GRAMD2B: variants seen among roughly 807,000 people sequenced by gnomAD.
GRAMD2B encodes the protein GRAM domain containing 2B, also known as GRAM domain-containing protein 2B.
A neutral mutation model predicts 59.2 loss-of-function variants in GRAMD2B; 41 were observed. That is an observed-to-expected ratio of 0.69 (90% CI 0.54 to 0.90). GRAMD2B has a LOEUF of 0.90. Ranked by LOEUF, GRAMD2B falls within the 40% of genes least tolerant of loss-of-function variation. GRAMD2B has a pLI of 0.00. For synonymous variants in GRAMD2B, 161 were observed against 182.7 expected (o/e 0.88, Z 0.96); for missense variants, 424 against 500.5 (o/e 0.85, Z 1.46).
intron 1 of GRAMD2B, among the ~76,000 whole-genome samples, chr5:126,410,662 T>G (rs1758703872): frequency 6.6e-6 from 1 of 152,086 alleles, no homozygotes; most frequent in African/African-American, 2.4e-5. Flanking sequence ...TTGAAAAGTC[T>G]CCAAACTTCT....
At chr5:126,486,814 T>G (rs1773023594) in intron 11 of GRAMD2B, 59 bp from the exon 12 acceptor site, 1 of 1,057,284 alleles carries the variant, frequency 9.5e-7, no homozygotes, top group Non-Finnish European at 1.5e-6. Flanking sequence ...TGAGTTGTTT[T>G]ATGAACATCA....
chr5:126,462,597 G>A (rs751173139), intron 1 of GRAMD2B, among the ~76,000 whole-genome samples: 2 of 152,064 alleles, frequency 1.3e-5, no homozygotes, highest in African/African-American at 4.8e-5. Flanking sequence ...ATCATTGAAC[G>A]TATAAATGAC....
At chr5:126,394,868 G>T (rs4293915) in intron 1 of GRAMD2B, among the ~76,000 whole-genome samples, 126,744 of 152,146 alleles carry the variant, frequency 0.83, 52,983 homozygotes, top group Non-Finnish European at 0.87. Flanking sequence ...TTTTTTTTCT[G>T]TCCAAGAGTG....
chr5:126,458,138 AAGAATGAGGGACTGGGCCAGGCAC>A (rs1369332788), intron 1 of GRAMD2B, among the ~76,000 whole-genome samples: 69 of 152,258 alleles, frequency 4.5e-4, no homozygotes, highest in African/African-American at 1.6e-3. Context: ...TTTCATATTT[AAGAATGAGGGACTGGGCCAGGCAC>A]AGTGGCTTGT....
At chr5:126,409,156 A>T (rs1439474347) in intron 1 of GRAMD2B, among the ~76,000 whole-genome samples, 4 of 152,086 alleles carry the variant, frequency 2.6e-5, no homozygotes. Flanking sequence ...ACACGTGTGC[A>T]TGTGTCTTTA....
intron 1 of GRAMD2B, among the ~76,000 whole-genome samples, chr5:126,432,155 C>T (rs1393020263): frequency 6.6e-6 from 1 of 152,102 alleles, no homozygotes; most frequent in Non-Finnish European, 1.5e-5. Context: ...TCTTGAACTC[C>T]TGGCTTCAAG....
chr5:126,360,581 G>A, intron 1 of GRAMD2B: 1 of 952,278 alleles, frequency 1.1e-6, no homozygotes. Context: ...GTCTTTGATT[G>A]CCCACTGGGG....
upstream of GRAMD2B, among the ~76,000 whole-genome samples, chr5:126,370,958 G>A (rs764847365): frequency 2.6e-5 from 4 of 152,234 alleles, no homozygotes; most frequent in Admixed American, 2.0e-4. Context: ...AACATTGGCT[G>A]CAACACACAC....
chr5:126,469,722 C>A lies in GRAMD2B; in HGVS notation c.249C>A (p.Asn83Lys). Reference protein sequence around the residue: ...FDGASLASDKNDCKTESKNDP... With the variant: ...FDGASLASDKKDCKTESKNDP... ...GTGCCTCTTTAGCAAGTGATAAGAA[C>A]GACTGTAAAACAGAAAGCAAAAATG... Residue 83 changes from asparagine (N) to lysine (K), a missense_variant, in exon 3 of 14, where the codon AAC (asparagine) becomes AAA (lysine). Transcript: ENST00000285689. 1 of 1,613,772 alleles carries A rather than the reference C, an allele frequency of 6.2e-7. No homozygotes were observed. Among genetic ancestry groups the A allele is most frequent in the Non-Finnish European group, 8.5e-7 (1 of 1,179,804 alleles).
chr5:126,487,025 A>G, intron 12 of GRAMD2B, 48 bp downstream of exon 12: 1 of 976,156 alleles, frequency 1.0e-6, no homozygotes, highest in Non-Finnish European at 1.6e-6. Flanking sequence ...TCTGCTTAAT[A>G]TAATAATTGA....
chr5:126,480,811 A>G, intron 8 of GRAMD2B, 104 bp downstream of exon 8: 1 of 929,472 alleles, frequency 1.1e-6, no homozygotes, highest in South Asian at 1.4e-5. Flanking sequence ...GCTTAGGACC[A>G]AAATATTTGA....
At chr5:126,480,072 C>T (rs1427182329) in intron 6 of GRAMD2B, 1 of 169,126 alleles carries the variant, frequency 5.9e-6, no homozygotes, top group Non-Finnish European at 1.3e-5. Context: ...GTTAAATACC[C>T]TTAAAAACAA....
chr5:126,440,276 A>C (rs749653849), intron 1 of GRAMD2B, among the ~76,000 whole-genome samples: 46 of 152,338 alleles, frequency 3.0e-4, no homozygotes, highest in Non-Finnish European at 4.9e-4. Context: ...AAACTTATGA[A>C]GTATTTCTTA....
At chr5:126,383,986 A>G (rs1424675894) in intron 1 of GRAMD2B, among the ~76,000 whole-genome samples, 2 of 152,296 alleles carry the variant, frequency 1.3e-5, no homozygotes, top group Non-Finnish European at 1.5e-5. Context: ...TGACTGTTAT[A>G]GGACAACGAG....
intron 1 of GRAMD2B, among the ~76,000 whole-genome samples, chr5:126,440,506 A>G (rs1370825659): frequency 6.6e-6 from 1 of 152,212 alleles, no homozygotes; most frequent in African/African-American, 2.4e-5. Flanking sequence ...TTTCAAATCC[A>G]TGGGGAAAAG....
chr5:126,438,509 TCA>T (rs944661104), intron 1 of GRAMD2B, among the ~76,000 whole-genome samples: 22 of 152,172 alleles, frequency 1.4e-4, no homozygotes, highest in African/African-American at 4.1e-4. Flanking sequence ...ACTTCAAGTT[TCA>T]GTTTTCTTAG....
chr5:126,420,934 A>G (rs567157950), upstream of GRAMD2B, among the ~76,000 whole-genome samples: 14 of 152,356 alleles, frequency 9.2e-5, no homozygotes, highest in East Asian at 2.5e-3. Context: ...ATATGCTATG[A>G]CATGGATTGA....
chr5:126,422,341 C>G (rs1293095876), upstream of GRAMD2B, among the ~76,000 whole-genome samples: 1 of 152,014 alleles, frequency 6.6e-6, no homozygotes, highest in African/African-American at 2.4e-5. Context: ...GGATTACAAG[C>G]GCCTGCGCCA....
At chr5:126,412,720 C>A (rs1397937766) in intron 1 of GRAMD2B, among the ~76,000 whole-genome samples, 1 of 152,044 alleles carries the variant, frequency 6.6e-6, no homozygotes, top group Non-Finnish European at 1.5e-5. Flanking sequence ...TAGAATTTGG[C>A]TATAACTCCA....
Sources: allele counts gnomAD v4.1 joint callset (sites outside exome capture counted in the v4.1 genomes callset), GRCh38; gene constraint gnomAD v4.1.1; transcripts MANE v1.5; gene names NCBI Gene and HGNC (gene_info 2026-07-23, HGNC 2026-07-21).